The following TENM2 variants were observed in gnomAD, a reference collection of about 807,000 sequenced individuals.
The protein encoded by TENM2 is teneurin transmembrane protein 2, also known as teneurin-2.
In TENM2, 52 loss-of-function variants were observed where a neutral mutation model predicts 245.2. The ratio of observed to expected loss-of-function variants is 0.21; its 90% CI spans 0.17 to 0.27. The LOEUF is 0.27. Ranked by LOEUF, TENM2 falls within the 10% of genes least tolerant of loss-of-function variation. TENM2 has a pLI of 1.00. For missense variants in TENM2, 3,046 were observed against 3,666.8 expected, an observed-to-expected ratio of 0.83 and a Z score of 4.37; for synonymous variants, 1,363 against 1,438.9, an observed-to-expected ratio of 0.95 and a Z score of 1.19.
chr5:168,075,951 C>A (rs1015500827), intron 7 of TENM2, among the ~76,000 whole-genome samples: 14 of 152,094 alleles, frequency 9.2e-5, no homozygotes, highest in African/African-American at 2.7e-4. Flanking sequence ...GAAAGACCCA[C>A]CCCCATGATT....
the TENM2 span, among the ~76,000 whole-genome samples, chr5:167,256,545 A>G: frequency 6.6e-6 from 1 of 152,174 alleles, no homozygotes; most frequent in Non-Finnish European, 1.5e-5. Flanking sequence ...GACTAAAACT[A>G]TGTTATTAAC....
chr5:167,904,129 A>C (rs537604201), intron 3 of TENM2, among the ~76,000 whole-genome samples: 50 of 152,314 alleles, frequency 3.3e-4, no homozygotes, highest in South Asian at 2.9e-3. Context: ...ATATATGCCT[A>C]TTTATGCCCC....
intron 3 of TENM2, among the ~76,000 whole-genome samples, chr5:167,916,948 G>A (rs933987363): frequency 1.3e-5 from 2 of 152,102 alleles, no homozygotes; most frequent in African/African-American, 4.8e-5. Context: ...GCTGCTTTGG[G>A]TTTCTCACTC....
the TENM2 span, among the ~76,000 whole-genome samples, chr5:167,087,123 A>G: frequency 0.63 from 95,778 of 151,994 alleles, 32,548 homozygotes; most frequent in African/African-American, 0.9. Flanking sequence ...CCTACCTTTC[A>G]CCCTCCTTTC....
chr5:167,077,227 A>G, the TENM2 span, among the ~76,000 whole-genome samples: 2 of 152,242 alleles, frequency 1.3e-5, no homozygotes, highest in African/African-American at 4.8e-5. Context: ...ACTTAGTGTA[A>G]CTAGAACTAA....
chr5:168,237,528 C>T (rs1303249759), intron 25 of TENM2, among the ~76,000 whole-genome samples: 1 of 151,972 alleles, frequency 6.6e-6, no homozygotes, highest in East Asian at 1.9e-4. Context: ...GAAACTGAGA[C>T]ATGAATGGTG....
At chr5:167,570,385 G>A (rs1168923942) in intron 2 of TENM2, among the ~76,000 whole-genome samples, 1 of 152,012 alleles carries the variant, frequency 6.6e-6, no homozygotes, top group African/African-American at 2.4e-5. Flanking sequence ...AGGATGAATT[G>A]GAGAAGAAAA....
intron 2 of TENM2, among the ~76,000 whole-genome samples, chr5:167,654,523 A>T (rs752715514): frequency 6.6e-6 from 1 of 152,094 alleles, no homozygotes; most frequent in Middle Eastern, 3.4e-3. Context: ...CACATTTTGC[A>T]TGGGGATGGA....
chr5:167,225,124 A>G, the TENM2 span, among the ~76,000 whole-genome samples: 1 of 151,946 alleles, frequency 6.6e-6, no homozygotes, highest in Non-Finnish European at 1.5e-5. Flanking sequence ...ATTTTTCTCA[A>G]TGTAAGATTG....
chr5:168,220,323 A>G (rs187862739), intron 23 of TENM2, among the ~76,000 whole-genome samples: 1 of 152,340 alleles, frequency 6.6e-6, no homozygotes, highest in Admixed American at 6.5e-5. Context: ...CCTCTCAGGG[A>G]GGCCAGCCTG....
At chr5:167,952,345 T>G in intron 3 of TENM2, 1 of 583,726 alleles carries the variant, frequency 1.7e-6, no homozygotes, top group Non-Finnish European at 3.1e-6. Context: ...TCCACCTGGT[T>G]TTGCTAAATT....
At chr5:167,936,250 G>A (rs1436226929) in intron 3 of TENM2, among the ~76,000 whole-genome samples, 2 of 152,218 alleles carry the variant, frequency 1.3e-5, no homozygotes, top group African/African-American at 4.8e-5. Flanking sequence ...AGTGTCAGTA[G>A]AGAAGCCGAC....
chr5:167,097,350 A>G, the TENM2 span, among the ~76,000 whole-genome samples: 8 of 152,192 alleles, frequency 5.3e-5, no homozygotes, highest in African/African-American at 1.7e-4. Flanking sequence ...GCCATCACCA[A>G]TATTTAATTG....
At chr5:167,715,876 G>T (rs577436220) in intron 2 of TENM2, among the ~76,000 whole-genome samples, 3 of 152,174 alleles carry the variant, frequency 2.0e-5, no homozygotes, top group African/African-American at 7.2e-5. Flanking sequence ...AGAAGTTTCC[G>T]TTATTAGGGA....
intron 25 of TENM2, among the ~76,000 whole-genome samples, chr5:168,237,211 T>C (rs1765584623): frequency 6.8e-6 from 1 of 146,908 alleles, no homozygotes; most frequent in South Asian, 2.2e-4. Flanking sequence ...AAAGACGGGG[T>C]TTCATCATGT....
intron 15 of TENM2, 123 bp from the exon 18 acceptor site, chr5:168,198,730 T>G: frequency 4.7e-6 from 6 of 1,282,272 alleles, no homozygotes; most frequent in Non-Finnish European, 5.4e-6. Context: ...CCTGTCTGCC[T>G]CCAAAGCCCA....
intron 2 of TENM2, among the ~76,000 whole-genome samples, chr5:167,804,994 C>T (rs77455730): frequency 5.5e-4 from 84 of 152,260 alleles, no homozygotes; most frequent in Non-Finnish European, 9.4e-4. Context: ...TGCATGGACA[C>T]GCTACAGCTT....
chr5:167,658,143 C>T (rs1754971554), intron 2 of TENM2, among the ~76,000 whole-genome samples: 1 of 151,720 alleles, frequency 6.6e-6, no homozygotes, highest in Non-Finnish European at 1.5e-5. Context: ...CATTTGAGGT[C>T]TGATGAGGAC....
the TENM2 span, among the ~76,000 whole-genome samples, chr5:167,219,389 T>G: frequency 6.6e-6 from 1 of 152,148 alleles, no homozygotes; most frequent in African/African-American, 2.4e-5. Context: ...TGTTAACAGA[T>G]ACTACAAATC....
Sources: gnomAD v4.1 joint callset for allele counts (sites outside exome capture counted in the v4.1 genomes callset) on GRCh38, gnomAD v4.1.1 for gene constraint, MANE v1.5 for transcripts, NCBI Gene and HGNC (gene_info 2026-07-23, HGNC 2026-07-21) for gene names.